RAB1A: variants seen among roughly 807,000 people sequenced by gnomAD.
The protein encoded by RAB1A is ras-related protein Rab-1A.
RAB1A carries 2 observed loss-of-function variants against 26.0 expected under a neutral mutation model. That is an observed-to-expected ratio of 0.08 (90% CI 0.03 to 0.24). The LOEUF is 0.24. Among genes scored for constraint, RAB1A ranks in the 10% least tolerant of loss-of-function variants. The pLI is 1.00. For synonymous variants in RAB1A, 84 were observed against 84.9 expected, an observed-to-expected ratio of 0.99 and a Z score of 0.06; for missense variants, 100 against 247.0, an observed-to-expected ratio of 0.40 and a Z score of 3.99.
At chr2:65,090,578 C>T (rs951670186) in intron 4 of RAB1A, among the ~76,000 whole-genome samples, 3 of 152,138 alleles carry the variant, frequency 2.0e-5, no homozygotes, top group East Asian at 1.9e-4. Flanking sequence ...CAGAGACCCC[C>T]GAATCCCACT....
At chr2:65,104,879 C>T in intron 1 of RAB1A, 73 bp from the exon 2 acceptor site, 1 of 1,217,772 alleles carries the variant, frequency 8.2e-7, no homozygotes, top group Non-Finnish European at 1.2e-6. Flanking sequence ...AAAACAAAAA[C>T]ACAGCTACAA....
chr2:65,118,294 A>C (rs1332125443), intron 1 of RAB1A, among the ~76,000 whole-genome samples: 1 of 152,178 alleles, frequency 6.6e-6, no homozygotes, highest in Non-Finnish European at 1.5e-5. Context: ...ACATATTACA[A>C]TATTTAACTT....
intron 1 of RAB1A, among the ~76,000 whole-genome samples, chr2:65,115,195 T>G (rs1302315806): frequency 6.6e-6 from 1 of 152,224 alleles, no homozygotes; most frequent in Non-Finnish European, 1.5e-5. Flanking sequence ...GAAAACAGAC[T>G]AAGACAGAAA....
At chr2:65,124,409 A>G (rs1306123134) in intron 1 of RAB1A, among the ~76,000 whole-genome samples, 1 of 152,144 alleles carries the variant, frequency 6.6e-6, no homozygotes, top group African/African-American at 2.4e-5. Flanking sequence ...AGTCGCTACA[A>G]AAAAATTTTT....
rs112392128 is a variant in RAB1A at position 65,119,501 on chromosome 2, C to G, written c.23+10392G>C. On this transcript the variant is annotated intron_variant, in intron 1 of 5. Transcript: ENST00000409784. ...CAGCCTGGGTGGGAGGCAGAAGTTGCAATGACCCGAAATCGAGCCACCACA... is the reference window on the plus strand; with the variant it reads ...CAGCCTGGGTGGGAGGCAGAAGTTGGAATGACCCGAAATCGAGCCACCACA... Among the ~76,000 whole-genome samples the G allele has an allele frequency of 4.4e-3, 662 of 149,972 alleles. 5 individuals carry two copies. The highest frequency in any genetic ancestry group is 0.016 in the African/African-American group (637 of 40,422).
intron 3 of RAB1A, among the ~76,000 whole-genome samples, chr2:65,096,021 C>A (rs181084212): frequency 6.6e-6 from 1 of 152,102 alleles, no homozygotes; most frequent in Non-Finnish European, 1.5e-5. Flanking sequence ...GGTGTGGTGG[C>A]GCACGCCTGT....
intron 1 of RAB1A, among the ~76,000 whole-genome samples, chr2:65,124,508 C>T (rs1030290252): frequency 2.6e-5 from 4 of 152,126 alleles, no homozygotes; most frequent in Non-Finnish European, 5.9e-5. Context: ...AGTGCAGTGG[C>T]GCAATCTCAG....
intron 1 of RAB1A, among the ~76,000 whole-genome samples, chr2:65,108,632 T>A (rs1189646070): frequency 2.0e-5 from 3 of 151,454 alleles, no homozygotes; most frequent in African/African-American, 7.3e-5. Context: ...CATGGTGCAA[T>A]CCCGTCTTTA....
At chr2:65,099,836 G>C (rs1160840827) in intron 2 of RAB1A, among the ~76,000 whole-genome samples, 2 of 152,100 alleles carry the variant, frequency 1.3e-5, no homozygotes, top group African/African-American at 4.8e-5. Flanking sequence ...CTACTCTAAG[G>C]ATAGTGCAGT....
intron 1 of RAB1A, among the ~76,000 whole-genome samples, chr2:65,114,851 CAA>C (rs369583615): frequency 2.5e-5 from 2 of 79,044 alleles, no homozygotes; most frequent in African/African-American, 4.4e-5. Flanking sequence ...GACTCCGTCT[CAA>C]AAAAAAAAAA....
chr2:65,123,065 G>C (rs917138841), intron 1 of RAB1A, among the ~76,000 whole-genome samples: 1 of 127,832 alleles, frequency 7.8e-6, no homozygotes, highest in Non-Finnish European at 1.6e-5. Context: ...CCATCACATA[G>C]GTATAGTCAA....
At position 65,108,534 on chromosome 2, in the gene RAB1A, T is replaced by C. The variant is rs189847373; in HGVS notation, c.24-3728A>G. ...TTTAACGCATTATGGCTGGGCACAG[T>C]GGCTCAGTGAGCCTGTAATCCCAGC... On this transcript the variant is annotated intron_variant, in intron 1 of 5. Coordinates refer to ENST00000409784, the MANE Select transcript of RAB1A (RefSeq NM_004161.5). Among the ~76,000 whole-genome samples the C allele has an allele frequency of 1.2e-3, 189 of 152,144 alleles. 1 individual carries two copies. Among genetic ancestry groups the C allele is most frequent in the African/African-American group, 4.1e-3 (172 of 41,516 alleles).
rs1321404987 is a variant in RAB1A, at chr2:65,087,884, C to G, written c.*609G>C. Reference sequence around the variant, plus strand: ...ATCACCATACAGTTTGATATTACTTCCAATAAGTACAATATTTATTAAACA... The same window carrying G: ...ATCACCATACAGTTTGATATTACTTGCAATAAGTACAATATTTATTAAACA... On this transcript the variant is annotated 3_prime_UTR_variant, in exon 6 of 6. Coordinates refer to ENST00000409784, the MANE Select transcript of RAB1A (RefSeq NM_004161.5). 1 of 152,636 alleles carries G rather than the reference C, an allele frequency of 6.6e-6. No homozygotes were observed. Among genetic ancestry groups the G allele is most frequent in the Non-Finnish European group, 1.5e-5 (1 of 68,048 alleles). 9.5% of individuals were successfully genotyped at this position (152,636 alleles called of 1,614,324 possible).
chr2:65,088,926 A>G lies in RAB1A; in HGVS notation c.420+13T>C. The G allele has an allele frequency of 6.3e-7, 1 of 1,589,820 alleles. No individual in the cohort carries two copies. Among genetic ancestry groups the G allele is most frequent in the Non-Finnish European group, 8.6e-7 (1 of 1,166,978 alleles). ...CCTTCAAATTCAGTATGAAAATTAA[A>G]CTTTAAACATACCTTCGCTGTTGTG... On this transcript the variant is annotated intron_variant, in intron 5 of 5. Transcript: ENST00000409784.
intron 1 of RAB1A, among the ~76,000 whole-genome samples, chr2:65,120,000 GC>G (rs1669921004): frequency 7.2e-6 from 1 of 138,134 alleles, no homozygotes; most frequent in Non-Finnish European, 1.6e-5. Context: ...TCTTCATCAG[GC>G]AGATGCTAAC....
chr2:65,120,432 G>A (rs941299455), intron 1 of RAB1A, among the ~76,000 whole-genome samples: 1 of 147,248 alleles, frequency 6.8e-6, no homozygotes, highest in Non-Finnish European at 1.5e-5. Context: ...CTCCAGCCTG[G>A]GGGACAAAGC....
At chr2:65,101,339 G>C (rs1280713522) in intron 2 of RAB1A, among the ~76,000 whole-genome samples, 1 of 152,054 alleles carries the variant, frequency 6.6e-6, no homozygotes, top group African/African-American at 2.4e-5. Context: ...AGGCAATACT[G>C]AGTGTCCAAA....
intron 2 of RAB1A, among the ~76,000 whole-genome samples, chr2:65,104,223 C>T (rs1190493892): frequency 2.0e-5 from 3 of 152,044 alleles, no homozygotes; most frequent in East Asian, 1.9e-4. Flanking sequence ...CCTACTTTTT[C>T]TTTTATTAAC....
intron 1 of RAB1A, among the ~76,000 whole-genome samples, chr2:65,105,839 T>A (rs1383321113): frequency 2.0e-5 from 3 of 152,066 alleles, no homozygotes; most frequent in Non-Finnish European, 4.4e-5. Flanking sequence ...CTCGGCTCAC[T>A]GCAACCTCCA....
Sources: gnomAD v4.1 joint callset for allele counts (sites outside exome capture counted in the v4.1 genomes callset) on GRCh38, gnomAD v4.1.1 for gene constraint, MANE v1.5 for transcripts, NCBI Gene and HGNC (gene_info 2026-07-23, HGNC 2026-07-21) for gene names.